The following STXBP2 variants were observed in gnomAD, a reference collection of about 807,000 sequenced individuals.
STXBP2 encodes the protein syntaxin-binding protein 2.
In STXBP2, 47 loss-of-function variants were observed where a neutral mutation model predicts 72.2. That is an observed-to-expected ratio of 0.65 (90% CI 0.51 to 0.83). The LOEUF (loss-of-function observed/expected upper bound fraction) is 0.83. Among genes scored for constraint, STXBP2 ranks in the 40% least tolerant of loss-of-function variants. STXBP2 has a pLI of 0.00. For missense variants in STXBP2, 702 were observed against 807.6 expected, an observed-to-expected ratio of 0.87 and a Z score of 1.58; for synonymous variants, 367 against 338.7, an observed-to-expected ratio of 1.08 and a Z score of -0.92.
Position 7,639,865 on chromosome 19 carries a change from T to C in STXBP2, c.246+58T>C, listed in dbSNP as rs759308772. Reference sequence around the variant, plus strand: ...GTGCATGCGTGTACATGTGCATGTGTGTGTATGTCTGCATGCATGTGATTG... The same window carrying C: ...GTGCATGCGTGTACATGTGCATGTGCGTGTATGTCTGCATGCATGTGATTG... On this transcript the variant is annotated intron_variant, in intron 4 of 18. Coordinates refer to ENST00000221283, the MANE Select transcript of STXBP2 (RefSeq NM_006949.4). 1.4e-5 allele frequency: 21 copies of C among 1,548,738 alleles called. 1 individual carries two copies. The highest frequency in any genetic ancestry group is 1.1e-4 in the South Asian group (10 of 88,396).
At chr19:7,640,495 T>TGC in intron 4 of STXBP2, 4 of 688,240 alleles carry the variant, frequency 5.8e-6, no homozygotes, top group Non-Finnish European at 1.1e-5. Context: ...TATGTGTGTG[T>TGC]GCATCTGTGT....
chr19:7,643,310 T>G, intron 13 of STXBP2, 65 bp downstream of exon 13: 1 of 1,495,784 alleles, frequency 6.7e-7, no homozygotes, highest in Non-Finnish European at 9.1e-7. Flanking sequence ...GGGGAGGGGC[T>G]GAACTGTAGA....
Position 7,642,947 on chromosome 19 carries a change from C to G in STXBP2, c.961-36C>G, listed in dbSNP as rs369622894. ...CCAGGTGGGCACTGCCTGGCTTCGC[C>G]CCCCAATCCCTACCCTCTTCCCCCT... is the stretch of plus-strand genomic sequence containing the variant. On this transcript the variant is annotated intron_variant, in intron 11 of 18. Transcript: ENST00000221283. This position sits in a 1 kb window ranked among gnomAD's most constrained non-coding sequence, Gnocchi z 6.0. 39 of 1,613,842 alleles carry G rather than the reference C, an allele frequency of 2.4e-5. No homozygotes were observed. Among genetic ancestry groups the G allele is most frequent in the Non-Finnish European group, 3.3e-5 (39 of 1,179,734 alleles).
Position 7,647,369 on chromosome 19 carries a change from C to T in STXBP2, c.1554C>T (p.His518=). 6.2e-6 allele frequency: 10 copies of T among 1,613,480 alleles called. No homozygotes were observed. Among genetic ancestry groups the T allele is most frequent in the Non-Finnish European group, 8.5e-6 (10 of 1,179,980 alleles). Residue 518 remains histidine (H), a synonymous_variant, in exon 18 of 19, where the codon CAC becomes CAT. Coordinates refer to ENST00000221283, the MANE Select transcript of STXBP2 (RefSeq NM_006949.4). The part of the protein sequence containing the change: ...SQAAVSARFG[H]WHKNKAGIEA... ...CCCTGCACAGTGCCCGCTTCGGTCACTGGCACAAGAACAAGGCTGGCATAG... is the reference window on the plus strand; with the variant it reads ...CCCTGCACAGTGCCCGCTTCGGTCATTGGCACAAGAACAAGGCTGGCATAG...
rs528848621 is a variant in STXBP2, at chr19:7,640,468, CTG to C, written c.247-256_247-255del. The C allele has an allele frequency of 1.2e-3, 794 of 647,648 alleles. 6 individuals are homozygous for C. Among genetic ancestry groups the C allele is most frequent in the South Asian group, 7.1e-3 (458 of 64,546 alleles). The allele number at this position is 647,648 out of a possible 1,614,324, so 40.1% of individuals were successfully genotyped here. Reference sequence around the variant, plus strand: ...TGTGTGTATGTATGTGTGTGCATCTCTGTGTGTGCATGTGTGTATGTGTGTGT... The same window carrying C: ...TGTGTGTATGTATGTGTGTGCATCTCTGTGTGCATGTGTGTATGTGTGTGT... On this transcript the variant is annotated intron_variant, in intron 4 of 18. Coordinates refer to ENST00000221283, the MANE Select transcript of STXBP2 (RefSeq NM_006949.4).
At chr19:7,630,874 G>A in the STXBP2 span, 3 of 1,537,180 alleles carry the variant, frequency 2.0e-6, no homozygotes, top group Non-Finnish European at 2.6e-6. Flanking sequence ...CCTGCCAGAG[G>A]GATGGAGGAG....
chr19:7,635,113 G>T (rs540492392), upstream of STXBP2, among the ~76,000 whole-genome samples: 3 of 152,202 alleles, frequency 2.0e-5, no homozygotes, highest in Non-Finnish European at 2.9e-5. Flanking sequence ...TTGGGGGTTA[G>T]TGGTGGGGTG....
At chr19:7,636,651 A>C (rs1203328783), upstream of STXBP2, 1 of 151,336 alleles carries the variant, frequency 6.6e-6, no homozygotes, top group Non-Finnish European at 1.4e-5. Context: ...GTGCCTGCAC[A>C]CAAGAGGTCT....
Position 7,647,495 on chromosome 19 carries a change from G to T in STXBP2, c.1680G>T (p.Lys560Asn). Reference protein sequence around the residue: ...AYEVTRATEGKWEVLIGSSHI... With the variant: ...AYEVTRATEGNWEVLIGSSHI... ...AGGTGACCAGGGCCACCGAGGGCAA[G>T]TGGGAGGTGCTCATTGGTAAGTCAC... Residue 560 changes from lysine (K) to asparagine (N), a missense_variant, in exon 18 of 19, where the codon AAG (lysine) becomes AAT (asparagine). By Grantham distance (94) the Lys-to-Asn change is moderately conservative. Coordinates refer to ENST00000221283, the MANE Select transcript of STXBP2 (RefSeq NM_006949.4). 1 of 1,602,256 alleles carries T rather than the reference G, an allele frequency of 6.2e-7. No individual in the cohort carries two copies. The highest frequency in any genetic ancestry group is 8.5e-7 in the Non-Finnish European group (1 of 1,174,070).
At position 7,642,428 on chromosome 19, in the gene STXBP2, G is replaced by A. The variant is rs2031927402; in HGVS notation, c.795-1G>A. ...CCCCAGGCTCCCTCCTTCCTCCCCA[G>A]GTATGAGACCACCGGGCTGAGCGAG... is the stretch of plus-strand genomic sequence containing the variant. On this transcript the variant is annotated splice_acceptor_variant, in intron 9 of 18. Coordinates refer to ENST00000221283, the MANE Select transcript of STXBP2 (RefSeq NM_006949.4). LOFTEE classifies it high-confidence loss of function. This position sits in a 1 kb window ranked among gnomAD's most constrained non-coding sequence, Gnocchi z 6.0. 3.1e-6 allele frequency: 5 copies of A among 1,613,938 alleles called. No homozygotes were observed. The highest frequency in any genetic ancestry group is 4.2e-6 in the Non-Finnish European group (5 of 1,180,008).
chr19:7,631,019 G>C, the STXBP2 span: 1 of 865,230 alleles, frequency 1.2e-6, no homozygotes, highest in Non-Finnish European at 1.8e-6. Flanking sequence ...AACCAGCCTG[G>C]CCAACATGGC....
intron 13 of STXBP2, 172 bp from the exon 14 acceptor site, chr19:7,644,442 C>A: frequency 2.4e-6 from 2 of 818,572 alleles, no homozygotes; most frequent in Non-Finnish European, 3.9e-6. Flanking sequence ...GGAGCAGGGC[C>A]TGTGGAGAGA....
intron 4 of STXBP2, chr19:7,640,502 G>C (rs745323411): frequency 2.2e-4 from 127 of 577,246 alleles, no homozygotes; most frequent in South Asian, 4.0e-4. Flanking sequence ...GTGTGCATCT[G>C]TGTGTGTGTG....
intron 3 of STXBP2, 165 bp downstream of exon 3, chr19:7,639,265 T>G (rs2031692730): frequency 3.8e-6 from 3 of 781,048 alleles, no homozygotes; most frequent in Non-Finnish European, 6.5e-6. Context: ...ACCAAATCCA[T>G]TCTTAAACCT....
chr19:7,633,349 T>A, upstream of STXBP2: 1 of 1,448,342 alleles, frequency 6.9e-7, no homozygotes, highest in Non-Finnish European at 9.5e-7. Flanking sequence ...ACTAGTCTTG[T>A]CAATCATGGG....
chr19:7,639,661 A>C, intron 3 of STXBP2, 70 bp from the exon 4 acceptor site: 3 of 1,449,414 alleles, frequency 2.1e-6, no homozygotes, highest in Non-Finnish European at 1.9e-6. Context: ...CCAACCCCCC[A>C]CACCTGAGAC....
rs1004036706 is a variant in STXBP2, at chr19:7,645,179, C to T, written c.1247-18C>T. 1 of 1,553,054 alleles carries T rather than the reference C, an allele frequency of 6.4e-7. No homozygotes were observed. The highest frequency in any genetic ancestry group is 8.7e-7 in the Non-Finnish European group (1 of 1,147,272). ...TCACCTGGCCGCCGCCTCCACCCTG[C>T]CCATTCCCGTCCCCCAGGTGTGAGT... On this transcript the variant is annotated intron_variant, in intron 14 of 18. Coordinates refer to ENST00000221283, the MANE Select transcript of STXBP2 (RefSeq NM_006949.4).
chr19:7,637,407 G>A (rs1023973387), intron 1 of STXBP2, among the ~76,000 whole-genome samples: 2 of 152,164 alleles, frequency 1.3e-5, no homozygotes, highest in South Asian at 4.1e-4. Context: ...CGGACTCCGG[G>A]GACCCAAAGG....
chr19:7,629,906 C>T, the STXBP2 span: 2 of 1,490,290 alleles, frequency 1.3e-6, no homozygotes, highest in Non-Finnish European at 8.9e-7. Flanking sequence ...AGGGGATCTT[C>T]CTGGATCTGA....
Sources: allele counts gnomAD v4.1 joint callset (sites outside exome capture counted in the v4.1 genomes callset), GRCh38; gene constraint gnomAD v4.1.1; non-coding constraint Gnocchi (gnomAD v3.1); transcripts MANE v1.5; gene names NCBI Gene and HGNC (gene_info 2026-07-23, HGNC 2026-07-21).